Variants in ATG2A observed in about 807,000 individuals in gnomAD.
ATG2A encodes the protein autophagy-related protein 2 homolog A.
Under a neutral mutation model 214.2 loss-of-function variants are expected in ATG2A, and 103 were observed. That is an observed-to-expected ratio of 0.48 (90% confidence interval 0.41 to 0.57). ATG2A has a LOEUF of 0.57. ATG2A is among the 20% of genes least tolerant of loss of function. The pLI is 0.00. For missense variants in ATG2A, 2,312 were observed against 2,613.2 expected (o/e 0.88, Z 2.51); for synonymous variants, 1,160 against 1,142.1 (o/e 1.02, Z -0.32).
intron 3 of ATG2A, 37 bp downstream of exon 3, chr11:64,914,044 G>T (rs774987274): frequency 1.9e-6 from 3 of 1,541,710 alleles, no homozygotes; most frequent in Middle Eastern, 1.7e-4. Flanking sequence ...TGCCACTGAA[G>T]GGCAGGAGAC....
rs763023147 is a variant in ATG2A, at chr11:64,917,154, T to A, written c.-19A>T. On this transcript the variant is annotated 5_prime_UTR_variant, in exon 1 of 41. Coordinates refer to ENST00000377264, the MANE Select transcript of ATG2A (RefSeq NM_015104.3). ...GTGACATCTCGGAGACCGCCGGGCCTGGGCCGCCTCCGCTTGCCGCCCGCC... is the reference window on the plus strand; with the variant it reads ...GTGACATCTCGGAGACCGCCGGGCCAGGGCCGCCTCCGCTTGCCGCCCGCC... 4 of 1,580,936 alleles carry A rather than the reference T, an allele frequency of 2.5e-6. No individual in the cohort carries two copies. The East Asian group carries it at 6.9e-5, about 27-fold the overall frequency.
chr11:64,912,284 G>GCCCAGCCCCCCC, intron 7 of ATG2A, 35 bp from the exon 8 acceptor site: 1 of 1,602,384 alleles, frequency 6.2e-7, no homozygotes, highest in Non-Finnish European at 8.5e-7. Flanking sequence ...GGGCTGGCTG[G>GCCCAGCCCCCCC]CCCTCCCAGC....
Position 64,907,849 on chromosome 11 carries a change from C to G in ATG2A, c.2406G>C (p.Gln802His). 6.2e-7 allele frequency: 1 copy of G among 1,613,154 alleles called. No individual in the cohort carries two copies. The highest frequency in any genetic ancestry group is 8.5e-7 in the Non-Finnish European group (1 of 1,179,894). The change falls in exon 17 of 41, where the codon CAG (glutamine) becomes CAC (histidine). Residue 802 changes from glutamine (Q) to histidine (H), a missense_variant. Transcript: ENST00000377264. ...PGDPEEMRTF[Q>H]SRTLALSRCS... ...AGCGGGACAGTGCCAGGGTCCGGCT[C>G]TGGAACGTCCTCATCTCCTCAGGGT...
chr11:64,900,026 T>A (rs1177249875), intron 31 of ATG2A, among the ~76,000 whole-genome samples: 2 of 780 alleles, frequency 2.6e-3, no homozygotes, highest in Non-Finnish European at 8.1e-3. Context: ...AAATGGTTAA[T>A]TTTTTTTTTT....
In ATG2A at chr11:64,896,810, C is replaced by G; in HGVS notation, c.5210G>C (p.Arg1737Pro). 1 of 1,614,102 alleles carries G rather than the reference C, an allele frequency of 6.2e-7. No homozygotes were observed. The highest frequency in any genetic ancestry group is 8.5e-7 in the Non-Finnish European group (1 of 1,180,028). The change falls in exon 38 of 41, where the codon CGC becomes CCC. Residue 1737 changes from arginine (R) to proline (P), a missense_variant. By Grantham distance (103) the Arg-to-Pro change is moderately radical. Transcript: ENST00000377264. ...YALNEWLQDI[R>P]KNQLPGLLGG... The stretch of plus-strand genomic sequence containing the variant: ...CAGCAGGCCGGGCAGCTGGTTCTTG[C>G]GGATGTCCTGCAGCCACTCGTTGAG...
In ATG2A at chr11:64,910,196, C is replaced by CT; in HGVS notation, c.1708-2dup. ...AGGCAACTGAGCGCCGGGGTCGGCT[C>CT]TGAGGGCGAGGGCGTTCAGGTCAGT... is the stretch of plus-strand genomic sequence containing the variant. On this transcript the variant is annotated splice_acceptor_variant, in intron 12 of 40. Coordinates refer to ENST00000377264, the MANE Select transcript of ATG2A (RefSeq NM_015104.3). LOFTEE classifies it high-confidence loss of function. 6.3e-7 allele frequency: 1 copy of CT among 1,594,864 alleles called. No homozygotes were observed. Among genetic ancestry groups the CT allele is most frequent in the Non-Finnish European group, 8.5e-7 (1 of 1,171,490 alleles).
intron 29 of ATG2A, 48 bp from the exon 30 acceptor site, chr11:64,901,140 C>T: frequency 1.3e-6 from 2 of 1,520,482 alleles, no homozygotes; most frequent in South Asian, 2.5e-5. Context: ...CGATCCAGCC[C>T]AGCTGCCCCC....
At chr11:64,896,264 CCT>C (rs1183326014) in intron 39 of ATG2A, among the ~76,000 whole-genome samples, 196 bp downstream of exon 39, 1 of 152,248 alleles carries the variant, frequency 6.6e-6, no homozygotes, top group Admixed American at 6.5e-5. Flanking sequence ...CATGGGAGCC[CCT>C]GTGGGCCTCG....
At chr11:64,912,955 G>A in intron 6 of ATG2A, 83 bp downstream of exon 6, 1 of 1,004,556 alleles carries the variant, frequency 1.0e-6, no homozygotes, top group Non-Finnish European at 1.4e-6. Context: ...TCCCCACTGT[G>A]GGCTGTAGAT....
rs754112690 is a variant in ATG2A, at chr11:64,910,057, G to T, written c.1846C>A (p.Pro616Thr). ...CCTCTCACCAGCAGGCCGGCTGGAG[G>T]CTCAGCAGGTACGGTGGCCAGGCGC... is the stretch of plus-strand genomic sequence containing the variant. The part of the protein sequence containing the change: ...LLRLATVPAE[P>T]PAGLLTEPLP... The change falls in exon 13 of 41, where the codon CCT becomes ACT. Residue 616 changes from proline to threonine, a missense_variant. Pro to Thr is a conservative substitution (Grantham distance 38). Transcript: ENST00000377264. 1 of 1,593,416 alleles carries T rather than the reference G, an allele frequency of 6.3e-7. No individual in the cohort carries two copies.
In ATG2A at chr11:64,900,943, C is replaced by T. The variant is rs1466283560; in HGVS notation, c.4269G>A (p.Glu1423=). The T allele has an allele frequency of 1.3e-6, 2 of 1,580,178 alleles. No individual in the cohort carries two copies. The highest frequency in any genetic ancestry group is 1.7e-6 in the Non-Finnish European group (2 of 1,163,630). Residue 1423 remains glutamate, a synonymous_variant, in exon 30 of 41, where the codon GAG becomes GAA. Transcript: ENST00000377264. ...PVPSTRVVLR[E]VSLVWHLYGG... is the part of the protein sequence containing the mutation. The stretch of plus-strand genomic sequence containing the variant: ...CATAGAGGTGCCAGACGAGGGAGAC[C>T]TCACGTAGCACCACCCGAGTGCTGG...
In ATG2A at chr11:64,907,740, G is replaced by T. The variant is rs1355761366; in HGVS notation, c.2507+8C>A. 6.2e-7 allele frequency: 1 copy of T among 1,612,932 alleles called. No individual in the cohort carries two copies. The highest frequency in any genetic ancestry group is 8.5e-7 in the Non-Finnish European group (1 of 1,179,902). On this transcript the variant is annotated splice_region_variant and intron_variant, in intron 17 of 40. Coordinates refer to ENST00000377264, the MANE Select transcript of ATG2A (RefSeq NM_015104.3). ...TCCAGTCCCGCCCTGCTGGCCCCGG[G>T]TCTCCACCTGTTGTAGATGCTCTCG... is the stretch of plus-strand genomic sequence containing the variant.
At position 64,897,546 on chromosome 11, in the gene ATG2A, T is replaced by C. The variant is rs1944198118; in HGVS notation, c.5068-52A>G. On this transcript the variant is annotated intron_variant, in intron 36 of 40. Coordinates refer to ENST00000377264, the MANE Select transcript of ATG2A (RefSeq NM_015104.3). ...ACCCAATGGGACTCAGGGAGCTAGC[T>C]AGCCCATGGGAGCCACTGGAGAGCG... is the stretch of plus-strand genomic sequence containing the variant. 2.5e-6 allele frequency: 4 copies of C among 1,596,956 alleles called. No homozygotes were observed. In the African/African-American group the frequency reaches 4.0e-5, roughly 16 times the overall value.
chr11:64,905,916 T>C, intron 22 of ATG2A, 68 bp from the exon 23 acceptor site: 6 of 1,504,954 alleles, frequency 4.0e-6, no homozygotes, highest in South Asian at 1.1e-5. Flanking sequence ...AACCCCTCCC[T>C]GTCCTGGCCC....
In ATG2A at chr11:64,895,141, C is replaced by T. The variant is rs767225864; in HGVS notation, c.5649G>A (p.Thr1883=). 25 of 1,613,036 alleles carry T rather than the reference C, an allele frequency of 1.5e-5. No individual in the cohort carries two copies. Among genetic ancestry groups the T allele is most frequent in the East Asian group, 4.5e-5 (2 of 44,886 alleles). The stretch of plus-strand genomic sequence containing the variant: ...GGCGGATCACGCCCCCCACGGCGCC[C>T]GTCAGCCCCTTCTGCTCATGGCCCC... ...ASRGHEQKGL[T]GAVGGVIRQL... is the part of the protein sequence containing the mutation. Residue 1883 remains threonine, a synonymous_variant, in exon 41 of 41, where the codon ACG becomes ACA. Coordinates refer to ENST00000377264, the MANE Select transcript of ATG2A (RefSeq NM_015104.3). The surrounding 1 kb of genome is among the most constrained non-coding windows in gnomAD (Gnocchi z 5.0).
Position 64,910,912 on chromosome 11 carries a change from C to G in ATG2A, c.1509G>C (p.Thr503=). The part of the protein sequence containing the change: ...TAVQLSWELR[T]GSRGRRTTSM... ...TGGTTGTCCGCCGGCCCCGACTGCC[C>G]GTCCGCAGCTCCCAGGACAGCTGCA... Residue 503 remains threonine (T), a synonymous_variant, in exon 11 of 41, where the codon ACG becomes ACC. Coordinates refer to ENST00000377264, the MANE Select transcript of ATG2A (RefSeq NM_015104.3). 2 of 1,612,760 alleles carry G rather than the reference C, an allele frequency of 1.2e-6. No individual in the cohort carries two copies. Among genetic ancestry groups the G allele is most frequent in the Non-Finnish European group, 1.7e-6 (2 of 1,179,840 alleles).
Position 64,903,612 on chromosome 11 carries a change from C to T in ATG2A, c.3513G>A (p.Val1171=), listed in dbSNP as rs1016952130. Residue 1171 remains valine, a synonymous_variant, in exon 25 of 41, where the codon GTG becomes GTA. Transcript: ENST00000377264. This position sits in a 1 kb window ranked among gnomAD's most constrained non-coding sequence, Gnocchi z 4.2. ...CACCTCGCCGCAGGTCCAGGGTCTC[C>T]ACCTCACACTTGTCGGACAGGTACA... The part of the protein sequence containing the change: ...SALYLSDKCE[V]ETLDLRRDYV... 6 of 1,549,994 alleles carry T rather than the reference C, an allele frequency of 3.9e-6. No individual in the cohort carries two copies. The highest frequency in any genetic ancestry group is 5.2e-6 in the Non-Finnish European group (6 of 1,146,534).
At position 64,912,385 on chromosome 11, in the gene ATG2A, G is replaced by C; in HGVS notation, c.864C>G (p.Leu288=). ...VAGQLGSLHL[L]LTPRQLQQLQ... ...GTTGCTGGAGCTGCCTCGGGGTCAG[G>C]AGCAGGTGCAGGGAGCCCAGCTGTC... is the stretch of plus-strand genomic sequence containing the variant. Residue 288 remains leucine, a synonymous_variant, in exon 7 of 41, where the codon CTC becomes CTG. Transcript: ENST00000377264. 6.4e-7 allele frequency: 1 copy of C among 1,559,248 alleles called. No homozygotes were observed.
At chr11:64,904,751 C>T (rs1230093794) in intron 24 of ATG2A, among the ~76,000 whole-genome samples, 6 of 152,002 alleles carry the variant, frequency 3.9e-5, no homozygotes, top group Middle Eastern at 3.2e-3. Context: ...GATTTTAAAA[C>T]GTACGCAGTC....
Sources: allele counts gnomAD v4.1 joint callset (sites outside exome capture counted in the v4.1 genomes callset), GRCh38; gene constraint gnomAD v4.1.1; non-coding constraint Gnocchi (gnomAD v3.1); transcripts MANE v1.5; gene names NCBI Gene and HGNC (gene_info 2026-07-23, HGNC 2026-07-21).